SLC7A11: variants seen among roughly 807,000 people sequenced by gnomAD.
The protein encoded by SLC7A11 is cystine/glutamate transporter.
Under a neutral mutation model 54.5 loss-of-function variants are expected in SLC7A11, and 35 were observed. The observed-to-expected ratio is 0.64, with a 90% CI of 0.49 to 0.85. The LOEUF (loss-of-function observed/expected upper bound fraction) is 0.85. Among genes scored for constraint, SLC7A11 ranks in the 40% least tolerant of loss-of-function variants. The pLI is 0.00. For missense variants in SLC7A11, 583 were observed against 618.1 expected (o/e 0.94, Z 0.60); for synonymous variants, 230 against 225.2 (o/e 1.02, Z -0.19).
chr4:138,174,750 A>C (rs1425073391), intron 11 of SLC7A11: 1 of 152,232 alleles, frequency 6.6e-6, no homozygotes, highest in Non-Finnish European at 1.5e-5. Context: ...CTTTAAATAA[A>C]GGTGTGTTAA....
intron 1 of SLC7A11, among the ~76,000 whole-genome samples, chr4:138,237,713 A>G (rs1228061450): frequency 1.8e-4 from 1 of 5,714 alleles, no homozygotes; most frequent in African/African-American, 5.4e-4. Context: ...ATATATATAT[A>G]TATATATATA....
intron 5 of SLC7A11, among the ~76,000 whole-genome samples, chr4:138,216,504 T>C (rs1737684110): frequency 6.6e-6 from 1 of 152,124 alleles, no homozygotes; most frequent in Non-Finnish European, 1.5e-5. Context: ...ACATTGGCAA[T>C]GTTATTAACA....
Position 138,167,141 on chromosome 4 carries a change from C to CTTTTTTTTT in SLC7A11, c.*4806_*4814dup, listed in dbSNP as rs1035030161. 1.0e-4 allele frequency: 9 copies of CTTTTTTTTT among 85,738 alleles called. No individual in the cohort carries two copies. The highest frequency in any genetic ancestry group is 1.6e-4 in the Admixed American group (1 of 6,262). The allele number at this position is 85,738 out of a possible 1,614,324, so 5.3% of individuals were successfully genotyped here. ...ATACCTTTAGCTATTATTTAAAAATCTTTTTTTTTTTTTTTTTTTTTTTTT... is the reference window on the plus strand; with the variant it reads ...ATACCTTTAGCTATTATTTAAAAATCTTTTTTTTTTTTTTTTTTTTTTTTTTTTTTTTTT... On this transcript the variant is annotated 3_prime_UTR_variant, in exon 12 of 12. Coordinates refer to ENST00000280612, the MANE Select transcript of SLC7A11 (RefSeq NM_014331.4).
At chr4:138,180,902 A>G in intron 9 of SLC7A11, 112 bp from the exon 10 acceptor site, 3 of 943,984 alleles carry the variant, frequency 3.2e-6, no homozygotes. Context: ...TTATACCGAT[A>G]AATTATCATC....
chr4:138,241,740 C>T, intron 1 of SLC7A11, 53 bp downstream of exon 1: 1 of 1,404,852 alleles, frequency 7.1e-7, no homozygotes, highest in Admixed American at 1.7e-5. Flanking sequence ...TCCCAGAAAG[C>T]AAGCTTTCCA....
At chr4:138,223,452 T>C (rs757515186) in intron 3 of SLC7A11, 128 bp from the exon 4 acceptor site, 31 of 958,806 alleles carry the variant, frequency 3.2e-5, no homozygotes, top group Non-Finnish European at 4.7e-5. Flanking sequence ...GTTTTAGAAA[T>C]GCAGAATCTC....
At chr4:138,210,973 T>G (rs887830658) in intron 6 of SLC7A11, among the ~76,000 whole-genome samples, 12 of 152,036 alleles carry the variant, frequency 7.9e-5, no homozygotes, top group African/African-American at 2.9e-4. Flanking sequence ...CTATTCACAA[T>G]AGCAAAGACA....
intron 4 of SLC7A11, among the ~76,000 whole-genome samples, chr4:138,219,965 A>C (rs2148443517): frequency 7.5e-6 from 1 of 134,048 alleles, no homozygotes; most frequent in African/African-American, 2.8e-5. Context: ...TTCAAGATGG[A>C]GTCTCACTCT....
intron 6 of SLC7A11, among the ~76,000 whole-genome samples, chr4:138,190,074 A>G (rs1736972143): frequency 6.6e-6 from 1 of 152,156 alleles, no homozygotes; most frequent in Non-Finnish European, 1.5e-5. Flanking sequence ...TGACTACAGA[A>G]CTCATGGATC....
intron 5 of SLC7A11, among the ~76,000 whole-genome samples, chr4:138,215,264 A>G (rs1237114081): frequency 2.0e-5 from 3 of 152,198 alleles, no homozygotes; most frequent in Non-Finnish European, 4.4e-5. Flanking sequence ...TATTCAATAT[A>G]ATCTTCCATT....
chr4:138,228,519 G>A (rs548424781), intron 3 of SLC7A11, among the ~76,000 whole-genome samples: 3 of 152,072 alleles, frequency 2.0e-5, no homozygotes, highest in East Asian at 3.9e-4. Flanking sequence ...AGCACTTTGC[G>A]AGGCCGAGGC....
chr4:138,182,251 C>G, intron 9 of SLC7A11, 46 bp downstream of exon 9: 1 of 1,209,720 alleles, frequency 8.3e-7, no homozygotes, highest in Non-Finnish European at 1.2e-6. Context: ...TTTTGCTAAC[C>G]TATTATTCAA....
intron 2 of SLC7A11, among the ~76,000 whole-genome samples, chr4:138,233,111 C>A (rs1738120383): frequency 6.6e-6 from 1 of 151,500 alleles, no homozygotes; most frequent in Admixed American, 6.6e-5. Flanking sequence ...TTGCACAGAC[C>A]TTTTCATTTT....
chr4:138,227,833 T>C (rs1737979550), intron 3 of SLC7A11, among the ~76,000 whole-genome samples: 1 of 151,924 alleles, frequency 6.6e-6, no homozygotes, highest in Non-Finnish European at 1.5e-5. Context: ...ACATTTTGCA[T>C]GTCATCCTCC....
At chr4:138,182,737 A>G (rs949889899) in intron 8 of SLC7A11, among the ~76,000 whole-genome samples, 11 of 152,118 alleles carry the variant, frequency 7.2e-5, no homozygotes, top group Admixed American at 6.6e-4. Context: ...ACACACACAC[A>G]TGCACATCCA....
At chr4:138,237,522 C>T (rs1178831432) in intron 1 of SLC7A11, among the ~76,000 whole-genome samples, 6 of 148,574 alleles carry the variant, frequency 4.0e-5, no homozygotes, top group South Asian at 2.1e-4. Context: ...CTCAGGGTCC[C>T]GAATAGCTGG....
chr4:138,173,232 G>A (rs1360317043), intron 11 of SLC7A11, among the ~76,000 whole-genome samples: 2 of 152,128 alleles, frequency 1.3e-5, no homozygotes, highest in Non-Finnish European at 2.9e-5. Flanking sequence ...ACCTCTTGAT[G>A]GTTTCAGGCC....
chr4:138,242,115 A>G lies in SLC7A11; in HGVS notation c.-46T>C, dbSNP rs1738398369. On this transcript the variant is annotated 5_prime_UTR_variant, in exon 1 of 12. Coordinates refer to ENST00000280612, the MANE Select transcript of SLC7A11 (RefSeq NM_014331.4). ...AAATAAAACAGAGGGAAAGAAAACA[A>G]AACTTTCAACTTTGGTGTCTCTTGG... 1 of 1,586,278 alleles carries G rather than the reference A, an allele frequency of 6.3e-7. No homozygotes were observed. Among genetic ancestry groups the G allele is most frequent in the East Asian group, 2.3e-5 (1 of 43,802 alleles).
At chr4:138,194,275 CCCTCT>C (rs1251274290) in intron 6 of SLC7A11, among the ~76,000 whole-genome samples, 12 of 152,052 alleles carry the variant, frequency 7.9e-5, no homozygotes, top group Non-Finnish European at 1.6e-4. Flanking sequence ...TGTAAGCCCT[CCCTCT>C]CCTCTCCTCA....
Sources: allele counts gnomAD v4.1 joint callset (sites outside exome capture counted in the v4.1 genomes callset), GRCh38; gene constraint gnomAD v4.1.1; transcripts MANE v1.5; gene names NCBI Gene and HGNC (gene_info 2026-07-23, HGNC 2026-07-21).